NXPE2: variants seen among roughly 807,000 people sequenced by gnomAD.
NXPE2 encodes the protein neurexophilin and PC-esterase domain family member 2.
A neutral mutation model predicts 34.4 loss-of-function variants in NXPE2; 34 were observed. The observed-to-expected ratio is 0.99, with a 90% CI of 0.75 to 1.31. NXPE2 has a LOEUF of 1.31. Among genes scored for constraint, NXPE2 ranks in the 40% most tolerant of loss-of-function variants. The pLI, the probability that NXPE2 is intolerant of heterozygous loss-of-function variation, is 0.00. For synonymous variants in NXPE2, 235 were observed against 231.3 expected (o/e 1.02, Z -0.15); for missense variants, 649 against 672.5 (o/e 0.97, Z 0.39).
chr11:114,734,307 T>C, the NXPE2 span, among the ~76,000 whole-genome samples: 1 of 152,226 alleles, frequency 6.6e-6, no homozygotes, highest in Non-Finnish European at 1.5e-5. Flanking sequence ...TAAATTCTTA[T>C]AATTTAAAAG....
Position 114,698,229 on chromosome 11 carries a change from C to A in NXPE2, c.317C>A (p.Thr106Asn). ...AGACCTTTCACCCATGTGAATACCA[C>A]CACCAGTGCCACACACAGCACAGCC... ...PPRPFTHVNT[T>N]TSATHSTATI... Residue 106 changes from threonine to asparagine, a missense_variant, in exon 3 of 6, where the codon ACC becomes AAC. Transcript: ENST00000389586. 6.2e-7 allele frequency: 1 copy of A among 1,613,894 alleles called. No individual in the cohort carries two copies.
At chr11:114,666,788 T>C in the NXPE2 span, among the ~76,000 whole-genome samples, 1 of 152,174 alleles carries the variant, frequency 6.6e-6, no homozygotes, top group Non-Finnish European at 1.5e-5. Flanking sequence ...TCTTAGAGTA[T>C]TGGTCTTTTC....
chr11:114,733,028 T>G, the NXPE2 span, among the ~76,000 whole-genome samples: 39 of 152,204 alleles, frequency 2.6e-4, no homozygotes, highest in African/African-American at 9.2e-4. Flanking sequence ...TTAACTAGTT[T>G]TTTAGTATTC....
the NXPE2 span, among the ~76,000 whole-genome samples, chr11:114,636,836 T>C: frequency 2.0e-5 from 3 of 152,242 alleles, no homozygotes; most frequent in Non-Finnish European, 2.9e-5. Flanking sequence ...GACAGTTTGT[T>C]ATAATTTCTG....
At chr11:114,605,441 T>C in the NXPE2 span, among the ~76,000 whole-genome samples, 1 of 151,922 alleles carries the variant, frequency 6.6e-6, no homozygotes, top group African/African-American at 2.4e-5. Context: ...TAACCACTGT[T>C]ACCCACTGGA....
the NXPE2 span, among the ~76,000 whole-genome samples, chr11:114,466,894 G>C: frequency 3.3e-5 from 5 of 152,276 alleles, no homozygotes; most frequent in African/African-American, 1.2e-4. Context: ...ATGTGGCCCC[G>C]ATTGCAGAAT....
At chr11:114,716,432 A>G in the NXPE2 span, among the ~76,000 whole-genome samples, 81,170 of 152,020 alleles carry the variant, frequency 0.53, 22,721 homozygotes, top group Middle Eastern at 0.64. Context: ...TGAAATAAAA[A>G]TGCTCGGGAA....
At chr11:114,666,156 T>G in the NXPE2 span, among the ~76,000 whole-genome samples, 1 of 152,118 alleles carries the variant, frequency 6.6e-6, no homozygotes, top group Non-Finnish European at 1.5e-5. Context: ...ACCTTCTCCT[T>G]CTCTCTCTAA....
chr11:114,668,937 A>G, the NXPE2 span, among the ~76,000 whole-genome samples: 1 of 152,116 alleles, frequency 6.6e-6, no homozygotes, highest in East Asian at 1.9e-4. Flanking sequence ...TTTTGATTAG[A>G]AGAATGGAAT....
chr11:114,596,810 TG>T, the NXPE2 span, among the ~76,000 whole-genome samples: 1 of 152,200 alleles, frequency 6.6e-6, no homozygotes, highest in Non-Finnish European at 1.5e-5. Flanking sequence ...GATTTTAATT[TG>T]GTTTGGTCAC....
chr11:114,585,245 T>C, the NXPE2 span, among the ~76,000 whole-genome samples: 1 of 151,632 alleles, frequency 6.6e-6, no homozygotes, highest in Non-Finnish European at 1.5e-5. Flanking sequence ...CCTGCAGAAT[T>C]GGGGGAGTTT....
the NXPE2 span, among the ~76,000 whole-genome samples, chr11:114,627,458 CA>C: frequency 2.3e-4 from 35 of 151,128 alleles, no homozygotes; most frequent in African/African-American, 8.5e-4. Flanking sequence ...ACTTTACAGA[CA>C]AGCAAATGCT....
intron 4 of NXPE2, 112 bp from the exon 5 acceptor site, chr11:114,705,669 C>A: frequency 1.7e-6 from 1 of 585,456 alleles, no homozygotes; most frequent in South Asian, 2.8e-5. Flanking sequence ...CAAAATAGAG[C>A]TGAAGAGAAA....
chr11:114,608,888 T>C, the NXPE2 span, among the ~76,000 whole-genome samples: 3 of 147,486 alleles, frequency 2.0e-5, no homozygotes, highest in Admixed American at 6.8e-5. Context: ...ATACCAAGTA[T>C]TGCCTCGTGG....
At chr11:114,773,357 T>C in the NXPE2 span, among the ~76,000 whole-genome samples, 1 of 142,684 alleles carries the variant, frequency 7.0e-6, no homozygotes, top group East Asian at 2.2e-4. Context: ...CAAACAGCTG[T>C]GTCTTTAAGA....
At chr11:114,513,468 T>C in the NXPE2 span, 9 of 229,608 alleles carry the variant, frequency 3.9e-5, no homozygotes, top group South Asian at 5.8e-4. Context: ...AAAACTGAAA[T>C]GGCAAAGAAT....
chr11:114,657,218 T>A, the NXPE2 span, among the ~76,000 whole-genome samples: 2 of 152,194 alleles, frequency 1.3e-5, no homozygotes, highest in Non-Finnish European at 2.9e-5. Flanking sequence ...TCTCTGTCTT[T>A]CCTACCTCTA....
chr11:114,538,145 C>G, the NXPE2 span, among the ~76,000 whole-genome samples: 2 of 152,142 alleles, frequency 1.3e-5, no homozygotes, highest in Non-Finnish European at 2.9e-5. Context: ...ACTATCTGAT[C>G]TTTGACAAAC....
chr11:114,489,874 A>G, the NXPE2 span, among the ~76,000 whole-genome samples: 1 of 152,058 alleles, frequency 6.6e-6, no homozygotes, highest in African/African-American at 2.4e-5. Flanking sequence ...CAGGCAGGAG[A>G]AGGGAAGAAA....
Sources: allele counts gnomAD v4.1 joint callset (sites outside exome capture counted in the v4.1 genomes callset), GRCh38; gene constraint gnomAD v4.1.1; transcripts MANE v1.5; gene names NCBI Gene and HGNC (gene_info 2026-07-23, HGNC 2026-07-21).